IMMP2L: variants seen among roughly 807,000 people sequenced by gnomAD.
IMMP2L encodes the protein inner mitochondrial membrane peptidase subunit 2.
IMMP2L carries 18 observed loss-of-function variants against 19.3 expected under a neutral mutation model. That is an observed-to-expected ratio of 0.93 (90% CI 0.64 to 1.38). IMMP2L has a LOEUF of 1.38. IMMP2L is among the 40% of genes most tolerant of loss of function. The probability of loss-of-function intolerance (pLI) is 0.00; values close to 1 mark genes in which losing one functional copy is unlikely to be tolerated. For synonymous variants in IMMP2L, 76 were observed against 73.0 expected, an observed-to-expected ratio of 1.04 and a Z score of -0.21; for missense variants, 233 against 218.2, an observed-to-expected ratio of 1.07 and a Z score of -0.43.
At chr7:110,745,544 G>T (rs1289448220) in intron 5 of IMMP2L, among the ~76,000 whole-genome samples, 1 of 152,168 alleles carries the variant, frequency 6.6e-6, no homozygotes, top group African/African-American at 2.4e-5. Flanking sequence ...CAGACTAACA[G>T]TGGATCTCTC....
chr7:111,473,674 G>A (rs577000540), intron 3 of IMMP2L, among the ~76,000 whole-genome samples: 7 of 152,092 alleles, frequency 4.6e-5, no homozygotes, highest in Non-Finnish European at 1.0e-4. Context: ...AAACATCTGT[G>A]GTAGATTCAA....
At chr7:111,206,465 CCGAG>C (rs1810720097) in intron 3 of IMMP2L, among the ~76,000 whole-genome samples, 1 of 151,938 alleles carries the variant, frequency 6.6e-6, no homozygotes, top group African/African-American at 2.4e-5. Flanking sequence ...TGTATAGCGA[CCGAG>C]TAAGTGACTG....
chr7:110,980,301 C>T (rs1308702312), intron 3 of IMMP2L, among the ~76,000 whole-genome samples: 1 of 136,224 alleles, frequency 7.3e-6, no homozygotes, highest in Non-Finnish European at 1.5e-5. Flanking sequence ...AATCTTGGCT[C>T]ACTGCAAGCT....
At chr7:111,555,654 T>C (rs1219757079) in intron 1 of IMMP2L, among the ~76,000 whole-genome samples, 2 of 152,140 alleles carry the variant, frequency 1.3e-5, no homozygotes, top group Non-Finnish European at 2.9e-5. Flanking sequence ...AATATTTTTC[T>C]TTCTGCATTT....
At chr7:111,319,866 G>A (rs1388093596) in intron 3 of IMMP2L, among the ~76,000 whole-genome samples, 2 of 151,738 alleles carry the variant, frequency 1.3e-5, no homozygotes, top group African/African-American at 2.4e-5. Flanking sequence ...TTAATATTTC[G>A]GCTGCCACAT....
intron 3 of IMMP2L, among the ~76,000 whole-genome samples, chr7:111,108,732 T>C (rs1288851395): frequency 3.9e-5 from 6 of 152,158 alleles, no homozygotes; most frequent in African/African-American, 1.4e-4. Flanking sequence ...GCTTACATCA[T>C]CACTCAATAG....
intron 5 of IMMP2L, among the ~76,000 whole-genome samples, chr7:110,845,976 T>G (rs1479654468): frequency 2.0e-5 from 3 of 152,174 alleles, no homozygotes; most frequent in Non-Finnish European, 2.9e-5. Context: ...CACACTCATC[T>G]TGTACTTTCC....
At chr7:111,507,801 A>C (rs1845072032) in intron 2 of IMMP2L, among the ~76,000 whole-genome samples, 1 of 152,176 alleles carries the variant, frequency 6.6e-6, no homozygotes, top group South Asian at 2.1e-4. Flanking sequence ...GGAAAGTTCA[A>C]GATGGCTTCA....
intron 5 of IMMP2L, among the ~76,000 whole-genome samples, chr7:110,770,101 C>A (rs1034498338): frequency 1.6e-4 from 25 of 152,100 alleles, no homozygotes; most frequent in African/African-American, 6.0e-4. Context: ...TTTCCTGATC[C>A]CAAAGGGACT....
intron 3 of IMMP2L, among the ~76,000 whole-genome samples, chr7:111,432,228 GA>G (rs755925031): frequency 3.3e-5 from 5 of 151,094 alleles, no homozygotes; most frequent in East Asian, 3.9e-4. Flanking sequence ...GAGTGTGGGG[GA>G]AAAAAAACCC....
chr7:111,199,085 C>T (rs1809820285), intron 3 of IMMP2L, among the ~76,000 whole-genome samples: 1 of 151,880 alleles, frequency 6.6e-6, no homozygotes, highest in Admixed American at 6.6e-5. Flanking sequence ...TAATTTGTGT[C>T]CATTTTTTTT....
At chr7:111,521,258 T>C (rs1846296781) in intron 2 of IMMP2L, 55 bp downstream of exon 2, 3 of 1,545,122 alleles carry the variant, frequency 1.9e-6, no homozygotes, top group Middle Eastern at 1.7e-4. Flanking sequence ...TCATTTCTAG[T>C]GCTTGAAAAA....
At chr7:111,561,027 C>A (rs1310447502) in intron 1 of IMMP2L, among the ~76,000 whole-genome samples, 2 of 152,144 alleles carry the variant, frequency 1.3e-5, no homozygotes, top group Non-Finnish European at 2.9e-5. Flanking sequence ...TAATTTAAAA[C>A]GGTTATTTAT....
intron 5 of IMMP2L, among the ~76,000 whole-genome samples, chr7:110,819,162 C>A (rs572032041): frequency 6.6e-6 from 1 of 151,962 alleles, no homozygotes; most frequent in Non-Finnish European, 1.5e-5. Context: ...GAGAAGTTAG[C>A]AAAGGATTTG....
At chr7:110,957,107 T>C (rs540924462) in intron 4 of IMMP2L, among the ~76,000 whole-genome samples, 2 of 152,122 alleles carry the variant, frequency 1.3e-5, no homozygotes, top group African/African-American at 2.4e-5. Flanking sequence ...ACTGCATTCC[T>C]AGCTATGAGA....
chr7:111,045,385 G>A (rs1347466515), intron 3 of IMMP2L, among the ~76,000 whole-genome samples: 1 of 152,074 alleles, frequency 6.6e-6, no homozygotes, highest in African/African-American at 2.4e-5. Context: ...TCTTCCAAAA[G>A]CCTCTTATCT....
chr7:110,731,195 A>T (rs541233954), intron 5 of IMMP2L, among the ~76,000 whole-genome samples: 13 of 152,304 alleles, frequency 8.5e-5, no homozygotes, highest in African/African-American at 3.1e-4. Flanking sequence ...TTACATATAC[A>T]TATGTAAAAA....
chr7:110,758,649 C>T lies in IMMP2L; in HGVS notation c.409-94928G>A, dbSNP rs1015501652. 2.0e-5 allele frequency among the ~76,000 whole-genome samples: 3 copies of T among 152,192 alleles called. No individual in the cohort carries two copies. The highest frequency in any genetic ancestry group is 7.2e-5 in the African/African-American group (3 of 41,546). On this transcript the variant is annotated intron_variant, in intron 5 of 5. Transcript: ENST00000405709. The surrounding 1 kb of genome is among the most constrained non-coding windows in gnomAD (Gnocchi z 4.6). ...CTTCCTACAGTACAATCTTCCAATA[C>T]TTTGTGAGCAGTTAGGACGTTAGTA...
At chr7:111,310,615 T>C (rs1823408545) in intron 3 of IMMP2L, among the ~76,000 whole-genome samples, 1 of 152,116 alleles carries the variant, frequency 6.6e-6, no homozygotes, top group African/African-American at 2.4e-5. Flanking sequence ...GGAAAAAGTA[T>C]GAAATTTCTT....
Sources: gnomAD v4.1 joint callset for allele counts (sites outside exome capture counted in the v4.1 genomes callset) on GRCh38, gnomAD v4.1.1 for gene constraint, Gnocchi (gnomAD v3.1) non-coding constraint, MANE v1.5 for transcripts, NCBI Gene and HGNC (gene_info 2026-07-23, HGNC 2026-07-21) for gene names.